The following SLC22A14 variants were observed in gnomAD, a reference collection of about 807,000 sequenced individuals.
The protein encoded by SLC22A14 is solute carrier family 22 member 14.
A neutral mutation model predicts 53.9 loss-of-function variants in SLC22A14; 50 were observed. The ratio of observed to expected loss-of-function variants is 0.93; its 90% CI spans 0.74 to 1.17. SLC22A14 has a LOEUF of 1.17. SLC22A14 is among the 50% of genes most tolerant of loss of function. The pLI is 0.00. For missense variants in SLC22A14, 671 were observed against 734.7 expected, an observed-to-expected ratio of 0.91 and a Z score of 1.00; for synonymous variants, 312 against 303.0, an observed-to-expected ratio of 1.03 and a Z score of -0.31.
rs747641987 is a variant in SLC22A14, at chr3:38,318,285, T to C, written c.*36T>C. ...AAGAATGTCATTCTCAATGCCCAGA[T>C]CCTGAGATTGGACCCATACCCTGTC... On this transcript the variant is annotated 3_prime_UTR_variant, in exon 11 of 11. Transcript: ENST00000448498. 1.3e-6 allele frequency: 2 copies of C among 1,587,028 alleles called. No individual in the cohort carries two copies. The highest frequency in any genetic ancestry group is 1.7e-6 in the Non-Finnish European group (2 of 1,155,208).
Position 38,305,888 on chromosome 3 carries a change from G to A in SLC22A14, c.1-139G>A. ...ATGTTAACTAAGAAAGCAAGGGAGG[G>A]AACTACTGAGAACGTCAAGGTTGGA... On this transcript the variant is annotated intron_variant, in intron 1 of 10. Coordinates refer to ENST00000448498, the MANE Select transcript of SLC22A14 (RefSeq NM_001320033.2). 5.2e-6 allele frequency: 4 copies of A among 774,196 alleles called. No individual in the cohort carries two copies. The East Asian group carries it at 9.8e-5, about 19-fold the overall frequency. 48.0% of individuals were successfully genotyped at this position (774,196 alleles called of 1,614,324 possible).
upstream of SLC22A14, among the ~76,000 whole-genome samples, chr3:38,280,129 G>A (rs1703635612): frequency 6.6e-6 from 1 of 152,122 alleles, no homozygotes; most frequent in Non-Finnish European, 1.5e-5. Flanking sequence ...TGATCTATGA[G>A]GTGTCATGAA....
intron 1 of SLC22A14, among the ~76,000 whole-genome samples, chr3:38,300,732 T>C (rs1704140799): frequency 6.6e-6 from 1 of 152,218 alleles, no homozygotes; most frequent in African/African-American, 2.4e-5. Flanking sequence ...CTGTAATTAC[T>C]GAAACTGCAT....
At chr3:38,314,196 G>C (rs536032081) in intron 8 of SLC22A14, among the ~76,000 whole-genome samples, 141 of 152,336 alleles carry the variant, frequency 9.3e-4, no homozygotes, top group Non-Finnish European at 1.8e-3. Flanking sequence ...CCAGAGGACA[G>C]CAGGCAGCCT....
chr3:38,290,917 GA>G (rs1486630863), intron 1 of SLC22A14, among the ~76,000 whole-genome samples: 9 of 152,070 alleles, frequency 5.9e-5, no homozygotes, highest in Admixed American at 5.9e-4. Flanking sequence ...GGCAGTGTAA[GA>G]CTGCCACCTC....
At chr3:38,312,231 CTG>C (rs1227069426) in intron 5 of SLC22A14, among the ~76,000 whole-genome samples, 7 of 152,300 alleles carry the variant, frequency 4.6e-5, no homozygotes, top group African/African-American at 1.7e-4. Context: ...AGCTCTGCCT[CTG>C]TGTCCTCGGG....
chr3:38,305,909 T>A, intron 1 of SLC22A14, 118 bp from the exon 2 acceptor site: 2 of 972,734 alleles, frequency 2.1e-6, no homozygotes, highest in South Asian at 3.2e-5. Context: ...AACGTCAAGG[T>A]TGGAATCCAT....
intron 8 of SLC22A14, among the ~76,000 whole-genome samples, chr3:38,314,146 C>T (rs1353433374): frequency 6.6e-6 from 1 of 152,150 alleles, no homozygotes; most frequent in Non-Finnish European, 1.5e-5. Context: ...GACAGGGCAC[C>T]CACACTCTCT....
At chr3:38,316,228 G>A in intron 9 of SLC22A14, 96 bp from the exon 10 acceptor site, 2 of 1,027,276 alleles carry the variant, frequency 1.9e-6, no homozygotes, top group Non-Finnish European at 3.0e-6. Flanking sequence ...GGGACAGGGT[G>A]GAGACTGGAG....
Position 38,304,455 on chromosome 3 carries a change from A to C in SLC22A14, c.1-1572A>C, listed in dbSNP as rs572552814. Among the ~76,000 whole-genome samples, 99 of 152,116 alleles carry C rather than the reference A, an allele frequency of 6.5e-4. 1 individual carries two copies. Among genetic ancestry groups the C allele is most frequent in the African/African-American group, 2.1e-3 (86 of 41,518 alleles). Reference sequence around the variant, plus strand: ...CAGGCTGGAGTGCGGTGGCGTGATCATGGCTCACTGCAGCCTCGACCTCCC... The same window carrying C: ...CAGGCTGGAGTGCGGTGGCGTGATCCTGGCTCACTGCAGCCTCGACCTCCC... On this transcript the variant is annotated intron_variant, in intron 1 of 10. Coordinates refer to ENST00000448498, the MANE Select transcript of SLC22A14 (RefSeq NM_001320033.2).
intron 9 of SLC22A14, 32 bp from the exon 10 acceptor site, chr3:38,316,291 AC>A (rs1178390626): frequency 1.2e-6 from 2 of 1,605,458 alleles, no homozygotes; most frequent in South Asian, 1.1e-5. Flanking sequence ...AACCCGGCAG[AC>A]CCCTCACAGG....
At chr3:38,289,462 C>T (rs752584827) in intron 1 of SLC22A14, among the ~76,000 whole-genome samples, 7 of 152,098 alleles carry the variant, frequency 4.6e-5, no homozygotes, top group South Asian at 4.1e-4. Context: ...AAGATGGTGG[C>T]GGGCTGCTTC....
chr3:38,309,633 CA>C (rs1176547685), intron 5 of SLC22A14, among the ~76,000 whole-genome samples: 5 of 152,042 alleles, frequency 3.3e-5, no homozygotes, highest in Non-Finnish European at 5.9e-5. Context: ...GAGTCACAGA[CA>C]GGAACCTAAG....
chr3:38,309,044 T>C lies in SLC22A14; in HGVS notation c.866T>C (p.Ile289Thr). The C allele has an allele frequency of 6.2e-7, 1 of 1,614,066 alleles. No homozygotes were observed. Among genetic ancestry groups the C allele is most frequent in the Middle Eastern group, 1.6e-4 (1 of 6,062 alleles). ...GTTGGGGCCGTGTTGCTGACAGGGATCGCCTACAGTCTTCCCCACTGGCAG... is the reference window on the plus strand; with the variant it reads ...GTTGGGGCCGTGTTGCTGACAGGGACCGCCTACAGTCTTCCCCACTGGCAG... ...FAVGAVLLTG[I>T]AYSLPHWQLL... Residue 289 changes from isoleucine (I) to threonine (T), a missense_variant, in exon 5 of 11, where the codon ATC becomes ACC. Transcript: ENST00000448498.
In SLC22A14 at chr3:38,316,479, G is replaced by A. The variant is rs773708853; in HGVS notation, c.1688G>A (p.Arg563Gln). The A allele has an allele frequency of 6.2e-6, 10 of 1,614,012 alleles. No homozygotes were observed. The highest frequency in any genetic ancestry group is 7.6e-6 in the Non-Finnish European group (9 of 1,180,012). Residue 563 changes from arginine to glutamine, a missense_variant, in exon 10 of 11, where the codon CGA becomes CAA. Physicochemically the swap from Arg to Gln is conservative, Grantham distance 43. Transcript: ENST00000448498. ...FSLSSLLPET[R>Q]DQPLSESLNH... ...CTCTCCTCCCTGCTGCCGGAAACGC[G>A]AGATCAGCCCCTCTCCGAGAGCCTG... is the stretch of plus-strand genomic sequence containing the variant.
At chr3:38,314,886 G>A (rs1222761455) in intron 8 of SLC22A14, among the ~76,000 whole-genome samples, 2 of 152,206 alleles carry the variant, frequency 1.3e-5, no homozygotes, top group African/African-American at 2.4e-5. Context: ...TGGACTCCCC[G>A]GTAGATAAAA....
At chr3:38,290,658 C>A (rs546186170) in intron 1 of SLC22A14, among the ~76,000 whole-genome samples, 3 of 152,332 alleles carry the variant, frequency 2.0e-5, no homozygotes, top group East Asian at 1.9e-4. Flanking sequence ...TGGTTAGCTG[C>A]AGGCAAAAGT....
Position 38,313,486 on chromosome 3 carries a change from G to A in SLC22A14, c.1163+1G>A. 1 of 1,603,354 alleles carries A rather than the reference G, an allele frequency of 6.2e-7. No individual in the cohort carries two copies. Among genetic ancestry groups the A allele is most frequent in the Non-Finnish European group, 8.5e-7 (1 of 1,170,166 alleles). The stretch of plus-strand genomic sequence containing the variant: ...TGACCTTGGTGATGAGCTGTGTGTG[G>A]TGAGTATCCAGGGCTCGCTGGCAGG... On this transcript the variant is annotated splice_donor_variant, in intron 7 of 10. Coordinates refer to ENST00000448498, the MANE Select transcript of SLC22A14 (RefSeq NM_001320033.2). LOFTEE classifies it high-confidence loss of function.
intron 1 of SLC22A14, among the ~76,000 whole-genome samples, chr3:38,289,464 G>A (rs973368979): frequency 6.6e-6 from 1 of 152,102 alleles, no homozygotes; most frequent in Admixed American, 6.5e-5. Context: ...GATGGTGGCG[G>A]GCTGCTTCCA....
Sources: allele counts gnomAD v4.1 joint callset (sites outside exome capture counted in the v4.1 genomes callset), GRCh38; gene constraint gnomAD v4.1.1; transcripts MANE v1.5; gene names NCBI Gene and HGNC (gene_info 2026-07-23, HGNC 2026-07-21).